Variants in SAMD5 observed in about 807,000 individuals in gnomAD.
The protein encoded by SAMD5 is sterile alpha motif domain containing 5, also known as sterile alpha motif domain-containing protein 5.
A neutral mutation model predicts 11.3 loss-of-function variants in SAMD5; 13 were observed. The ratio of observed to expected loss-of-function variants is 1.15; its 90% CI spans 0.75 to 1.83. The LOEUF (loss-of-function observed/expected upper bound fraction) is 1.83. Among genes scored for constraint, SAMD5 ranks in the 40% most tolerant of loss-of-function variants. SAMD5 has a pLI of 0.00. For synonymous variants in SAMD5, 129 were observed against 111.3 expected (o/e 1.16, Z -1.00); for missense variants, 255 against 239.1 (o/e 1.07, Z -0.44).
At chr6:147,938,148 G>T in the SAMD5 span, among the ~76,000 whole-genome samples, 167 of 152,320 alleles carry the variant, frequency 1.1e-3, 1 homozygote, top group Non-Finnish European at 1.8e-4. Flanking sequence ...CAGAGAGTAT[G>T]TAATGGGGAG....
chr6:147,797,811 C>T, the SAMD5 span, among the ~76,000 whole-genome samples: 5 of 148,480 alleles, frequency 3.4e-5, no homozygotes, highest in Non-Finnish European at 7.4e-5. Context: ...GTGTATGTGT[C>T]GAGGAATGTA....
chr6:147,786,329 A>AT, the SAMD5 span, among the ~76,000 whole-genome samples: 778 of 152,126 alleles, frequency 5.1e-3, 9 homozygotes, highest in African/African-American at 0.018. Flanking sequence ...GGAAAACACT[A>AT]TTTTTTTCCA....
At chr6:147,539,889 A>G (rs777454094) in intron 1 of SAMD5, among the ~76,000 whole-genome samples, 20 of 152,122 alleles carry the variant, frequency 1.3e-4, no homozygotes, top group Non-Finnish European at 2.4e-4. Context: ...AAATTTTTTT[A>G]TTACCCAACT....
At chr6:147,662,614 A>G (rs1392022203) in intron 1 of SAMD5, among the ~76,000 whole-genome samples, 2 of 152,228 alleles carry the variant, frequency 1.3e-5, no homozygotes, top group African/African-American at 4.8e-5. Flanking sequence ...TTGTTGATGA[A>G]TGCACATCGG....
At chr6:147,781,143 G>T in the SAMD5 span, among the ~76,000 whole-genome samples, 18 of 149,262 alleles carry the variant, frequency 1.2e-4, no homozygotes, top group South Asian at 3.8e-3. Flanking sequence ...TCGATGGTTG[G>T]TTTGGTTTTG....
chr6:147,781,456 G>C, the SAMD5 span, among the ~76,000 whole-genome samples: 1 of 152,114 alleles, frequency 6.6e-6, no homozygotes, highest in African/African-American at 2.4e-5. Flanking sequence ...TACATCATTT[G>C]AAACCCATTT....
At chr6:147,584,300 T>A (rs1789343221) in intron 1 of SAMD5, among the ~76,000 whole-genome samples, 1 of 152,210 alleles carries the variant, frequency 6.6e-6, no homozygotes, top group Non-Finnish European at 1.5e-5. Context: ...ACCAAGCACT[T>A]GCTTTTGTTT....
rs1791404787 is a variant in SAMD5, at chr6:147,711,801, A to G, written c.163-25516A>G. 6.6e-6 allele frequency among the ~76,000 whole-genome samples: 1 copy of G among 152,216 alleles called. No homozygotes were observed. Among genetic ancestry groups the G allele is most frequent in the Non-Finnish European group, 1.5e-5 (1 of 68,044 alleles). On this transcript the variant is annotated intron_variant, in intron 1 of 1. Coordinates refer to the SAMD5 transcript ENST00000566741. This position sits in a 1 kb window ranked among gnomAD's most constrained non-coding sequence, Gnocchi z 4.1. ...CATGGAGTGTCATGTGCGTAAGTAC[A>G]CTTAATTAGATACTCTGATGACATT... is the stretch of plus-strand genomic sequence containing the variant.
chr6:147,512,444 A>T (rs997345144), intron 1 of SAMD5, among the ~76,000 whole-genome samples: 2 of 152,180 alleles, frequency 1.3e-5, no homozygotes, highest in Non-Finnish European at 2.9e-5. Flanking sequence ...AGAGGAAAGT[A>T]AGTTGAGGGG....
chr6:147,672,117 A>G (rs2128455579), intron 1 of SAMD5, among the ~76,000 whole-genome samples: 1 of 152,056 alleles, frequency 6.6e-6, no homozygotes. Flanking sequence ...GTAGCTTTTT[A>G]TAAAATATTA....
intron 1 of SAMD5, among the ~76,000 whole-genome samples, chr6:147,561,840 T>C (rs1321619206): frequency 2.6e-5 from 4 of 152,182 alleles, no homozygotes; most frequent in Admixed American, 6.5e-5. Context: ...CAGAAAAGAA[T>C]GACGGCGCAT....
chr6:147,556,820 A>G (rs1788865255), intron 1 of SAMD5, among the ~76,000 whole-genome samples: 1 of 152,232 alleles, frequency 6.6e-6, no homozygotes, highest in Admixed American at 6.5e-5. Context: ...TTTATCAGAA[A>G]TAAATTATAT....
At chr6:147,922,125 T>C in the SAMD5 span, among the ~76,000 whole-genome samples, 7 of 152,240 alleles carry the variant, frequency 4.6e-5, no homozygotes, top group African/African-American at 1.7e-4. Flanking sequence ...CCTGACTTGA[T>C]TGAGGTCCCG....
chr6:147,762,983 TTTTG>T, the SAMD5 span, among the ~76,000 whole-genome samples: 2 of 152,174 alleles, frequency 1.3e-5, no homozygotes, highest in Admixed American at 1.3e-4. Context: ...ATAGCTACCT[TTTTG>T]TTTATTTTTG....
At chr6:147,771,726 G>A in the SAMD5 span, among the ~76,000 whole-genome samples, 7 of 152,136 alleles carry the variant, frequency 4.6e-5, no homozygotes, top group African/African-American at 1.7e-4. Context: ...CTCTCCCTGG[G>A]TCACTGGTGT....
chr6:147,826,752 C>T, the SAMD5 span, among the ~76,000 whole-genome samples: 1 of 152,108 alleles, frequency 6.6e-6, no homozygotes, highest in Non-Finnish European at 1.5e-5. Context: ...TGTGCTATTG[C>T]CCTGCAGGAG....
At chr6:147,512,931 G>A (rs984250644) in intron 1 of SAMD5, among the ~76,000 whole-genome samples, 2 of 152,158 alleles carry the variant, frequency 1.3e-5, no homozygotes, top group Admixed American at 1.3e-4. Flanking sequence ...TGCAGGGATT[G>A]GGCACCATCT....
chr6:147,509,076 G>A lies in SAMD5; in HGVS notation c.148G>A (p.Ala50Thr), dbSNP rs71547193. 1.3e-4 allele frequency: 213 copies of A among 1,599,060 alleles called. No homozygotes were observed. The highest frequency in any genetic ancestry group is 2.2e-4 in the Admixed American group (13 of 58,004). The change falls in exon 1 of 2, where the codon GCG becomes ACG. Residue 50 changes from alanine (A) to threonine (T), a missense_variant. Physicochemically the swap from Ala to Thr is moderately conservative, Grantham distance 58 (BLOSUM62 0). Transcript: ENST00000367474. ...GGATGCCATCGGGGTGCTGGCGCCC[G>A]CGCACCGCCGCCGTATCCTGGAGGC... ...DLDAIGVLAP[A>T]HRRRILEAVR...
rs1790789823 is a variant in SAMD5 at position 147,671,196 on chromosome 6, C to T, written c.163-66121C>T. On this transcript the variant is annotated intron_variant, in intron 1 of 1. Coordinates refer to the SAMD5 transcript ENST00000566741. ...ACCATCATGTGGGAGCAGTTTGTGG[C>T]ACCCCGCAACAACTACAGGGGTAAC... Among the ~76,000 whole-genome samples the T allele has an allele frequency of 1.3e-5, 2 of 152,148 alleles. 1 individual carries two copies. The highest frequency in any genetic ancestry group is 4.1e-4 in the South Asian group (2 of 4,826).
Sources: allele counts gnomAD v4.1 joint callset (sites outside exome capture counted in the v4.1 genomes callset), GRCh38; gene constraint gnomAD v4.1.1; non-coding constraint Gnocchi (gnomAD v3.1); transcripts MANE v1.5; gene names NCBI Gene and HGNC (gene_info 2026-07-23, HGNC 2026-07-21).